The following ZNF131 variants were observed in gnomAD, a reference collection of about 807,000 sequenced individuals.
The protein encoded by ZNF131 is zinc finger and BTB domain containing 35, also known as zinc finger protein 131.
Under a neutral mutation model 60.0 loss-of-function variants are expected in ZNF131, and 7 were observed. The observed-to-expected ratio is 0.12, with a 90% CI of 0.07 to 0.22. The LOEUF is 0.22. Ranked by LOEUF, ZNF131 falls within the 10% of genes least tolerant of loss-of-function variation. ZNF131 has a pLI of 1.00. For synonymous variants in ZNF131, 257 were observed against 253.2 expected (o/e 1.01, Z -0.14); for missense variants, 493 against 740.9 (o/e 0.67, Z 3.88).
At chr5:43,139,380 C>G (rs551478024) in intron 4 of ZNF131, 71 bp downstream of exon 4, 4 of 1,366,130 alleles carry the variant, frequency 2.9e-6, no homozygotes, top group Non-Finnish European at 3.9e-6. Context: ...GAAGAACTTA[C>G]AGTATGTGTC....
intron 4 of ZNF131, among the ~76,000 whole-genome samples, chr5:43,149,813 A>G (rs1440297920): frequency 1.3e-5 from 2 of 151,838 alleles, no homozygotes; most frequent in Non-Finnish European, 2.9e-5. Context: ...CTTTTTTGCC[A>G]TCTGTTTGTA....
At chr5:43,141,464 A>C (rs1453253701) in intron 4 of ZNF131, among the ~76,000 whole-genome samples, 1 of 151,966 alleles carries the variant, frequency 6.6e-6, no homozygotes, top group Non-Finnish European at 1.5e-5. Context: ...CACTTTGGAG[A>C]AGATTCAAGA....
chr5:43,172,678 C>T (rs564606853), intron 5 of ZNF131, among the ~76,000 whole-genome samples: 86 of 151,326 alleles, frequency 5.7e-4, no homozygotes, highest in African/African-American at 2.0e-3. Context: ...CCAGAATTAT[C>T]TTTACAGCTA....
At chr5:43,144,659 T>C (rs1747351618) in intron 4 of ZNF131, among the ~76,000 whole-genome samples, 1 of 152,130 alleles carries the variant, frequency 6.6e-6, no homozygotes, top group African/African-American at 2.4e-5. Context: ...CAGTTGCCAT[T>C]GATTGTTTTT....
chr5:43,171,323 G>A (rs951105480), intron 5 of ZNF131, among the ~76,000 whole-genome samples: 1 of 152,138 alleles, frequency 6.6e-6, no homozygotes, highest in East Asian at 1.9e-4. Context: ...ATGCCTTGAT[G>A]TCCCTCTAAA....
intron 4 of ZNF131, among the ~76,000 whole-genome samples, chr5:43,146,560 A>C (rs1747601628): frequency 6.6e-6 from 1 of 151,930 alleles, no homozygotes; most frequent in African/African-American, 2.4e-5. Context: ...GCGCCACTGC[A>C]CTCCAGCCTG....
At chr5:43,145,511 G>A (rs1212752875) in intron 4 of ZNF131, among the ~76,000 whole-genome samples, 2 of 151,996 alleles carry the variant, frequency 1.3e-5, no homozygotes, top group Non-Finnish European at 2.9e-5. Context: ...AAAATTAGCC[G>A]GACATGGTGG....
chr5:43,142,513 C>T (rs1237730109), intron 4 of ZNF131, among the ~76,000 whole-genome samples: 1 of 151,852 alleles, frequency 6.6e-6, no homozygotes, highest in Admixed American at 6.6e-5. Flanking sequence ...ACCGTCTTGG[C>T]CAGGCTGGTC....
At chr5:43,130,323 G>C (rs1368080359) in intron 3 of ZNF131, among the ~76,000 whole-genome samples, 1 of 143,678 alleles carries the variant, frequency 7.0e-6, no homozygotes, top group African/African-American at 2.6e-5. Flanking sequence ...TAATAAGACA[G>C]AATCAAAAAG....
At chr5:43,122,246 C>CTTT (rs35497367) in intron 2 of ZNF131, 69 bp downstream of exon 2, 363 of 1,031,336 alleles carry the variant, frequency 3.5e-4, no homozygotes, top group East Asian at 4.6e-4. Context: ...GGACACCCGC[C>CTTT]TTTTTTTTTT....
intron 5 of ZNF131, among the ~76,000 whole-genome samples, chr5:43,165,007 G>A (rs1286252466): frequency 6.6e-6 from 1 of 152,154 alleles, no homozygotes; most frequent in Non-Finnish European, 1.5e-5. Flanking sequence ...CTGGAGTACA[G>A]TGGCGCGATC....
At chr5:43,121,941 T>A in intron 1 of ZNF131, 98 bp from the exon 2 acceptor site, 2 of 1,329,774 alleles carry the variant, frequency 1.5e-6, no homozygotes, top group Non-Finnish European at 1.0e-6. Context: ...CCCCTTCTTT[T>A]CACGTTGCTG....
chr5:43,159,786 T>G (rs1749417273), intron 4 of ZNF131, among the ~76,000 whole-genome samples: 1 of 152,164 alleles, frequency 6.6e-6, no homozygotes, highest in Non-Finnish European at 1.5e-5. Context: ...TTTTATTAAC[T>G]GTATTTCAGA....
chr5:43,128,655 TCA>T (rs1491212448), intron 3 of ZNF131, among the ~76,000 whole-genome samples: 36 of 38,780 alleles, frequency 9.3e-4, no homozygotes, highest in African/African-American at 2.8e-3. Context: ...AGACTCCATC[TCA>T]AAAAAAAAAA....
intron 5 of ZNF131, among the ~76,000 whole-genome samples, chr5:43,167,642 A>G (rs1685203844): frequency 6.6e-6 from 1 of 152,088 alleles, no homozygotes; most frequent in African/African-American, 2.4e-5. Flanking sequence ...ATTTATTTTT[A>G]TTTGGAAAAT....
intron 5 of ZNF131, among the ~76,000 whole-genome samples, chr5:43,172,474 T>C (rs1391778076): frequency 2.6e-5 from 4 of 152,084 alleles, no homozygotes; most frequent in Non-Finnish European, 4.4e-5. Context: ...TACAAAAAAA[T>C]AGCCGGGCGT....
At chr5:43,122,246 CTTTTTTTTTTT>C (rs35497367) in intron 2 of ZNF131, 69 bp downstream of exon 2, 22 of 1,032,106 alleles carry the variant, frequency 2.1e-5, no homozygotes, top group Admixed American at 6.3e-5. Context: ...GGACACCCGC[CTTTTTTTTTTT>C]TTTTTTTTTT....
chr5:43,139,338 T>C, intron 4 of ZNF131, 29 bp downstream of exon 4: 1 of 1,586,548 alleles, frequency 6.3e-7, no homozygotes, highest in Non-Finnish European at 8.6e-7. Context: ...GGGGTTCAGA[T>C]AGTCATATTC....
intron 4 of ZNF131, among the ~76,000 whole-genome samples, chr5:43,140,485 G>A (rs1315802854): frequency 6.6e-6 from 1 of 152,194 alleles, no homozygotes; most frequent in African/African-American, 2.4e-5. Flanking sequence ...ATGAATTAAT[G>A]CATGCAAAGT....
Sources: allele counts gnomAD v4.1 joint callset (sites outside exome capture counted in the v4.1 genomes callset), GRCh38; gene constraint gnomAD v4.1.1; transcripts MANE v1.5; gene names NCBI Gene and HGNC (gene_info 2026-07-23, HGNC 2026-07-21).